NRG1: variants seen among roughly 807,000 people sequenced by gnomAD.
NRG1 encodes the protein neuregulin 1, also known as pro-neuregulin-1, membrane-bound isoform.
Under a neutral mutation model 63.8 loss-of-function variants are expected in NRG1, and 18 were observed. The ratio of observed to expected loss-of-function variants is 0.28; its 90% CI spans 0.19 to 0.42. The LOEUF is 0.42. Ranked by LOEUF, NRG1 falls within the 10% of genes least tolerant of loss-of-function variation. The probability of loss-of-function intolerance (pLI) is 1.00; values close to 1 mark genes in which losing one functional copy is unlikely to be tolerated. For missense variants in NRG1, 762 were observed against 814.7 expected (o/e 0.94, Z 0.79); for synonymous variants, 302 against 301.3 (o/e 1.00, Z -0.02).
chr8:31,896,030 G>A (rs1171410853), intron 1 of NRG1, among the ~76,000 whole-genome samples: 2 of 151,938 alleles, frequency 1.3e-5, no homozygotes, highest in Non-Finnish European at 2.9e-5. Flanking sequence ...ACGTGTTTTT[G>A]CCCATTTTCT....
intron 1 of NRG1, among the ~76,000 whole-genome samples, chr8:31,745,229 G>C (rs1310706149): frequency 1.3e-5 from 2 of 151,890 alleles, no homozygotes; most frequent in South Asian, 2.1e-4. Context: ...GAAGGGGAAG[G>C]CTTCAAGGAT....
At chr8:32,717,671 A>G (rs915244718) in intron 5 of NRG1, among the ~76,000 whole-genome samples, 21 of 152,178 alleles carry the variant, frequency 1.4e-4, no homozygotes, top group Admixed American at 9.8e-4. Flanking sequence ...TATGTCCACA[A>G]CCATCACACA....
chr8:32,365,399 T>TAAA (rs1276598966), intron 1 of NRG1, among the ~76,000 whole-genome samples: 2 of 152,254 alleles, frequency 1.3e-5, no homozygotes, highest in Admixed American at 1.3e-4. Context: ...TATTTAAGAT[T>TAAA]TACGTAGTTG....
chr8:32,167,279 G>A (rs1053451560), intron 1 of NRG1, among the ~76,000 whole-genome samples: 1 of 152,106 alleles, frequency 6.6e-6, no homozygotes, highest in Non-Finnish European at 1.5e-5. Flanking sequence ...TTTTGGTTAG[G>A]AAGCCACCTC....
chr8:31,919,652 A>G (rs1220551145), intron 1 of NRG1, among the ~76,000 whole-genome samples: 2 of 152,148 alleles, frequency 1.3e-5, no homozygotes, highest in African/African-American at 4.8e-5. Flanking sequence ...ACCTGATTCA[A>G]CACATCAGTT....
intron 1 of NRG1, among the ~76,000 whole-genome samples, chr8:31,903,015 C>T (rs1483557118): frequency 6.6e-6 from 1 of 152,112 alleles, no homozygotes; most frequent in Non-Finnish European, 1.5e-5. Context: ...TGAGAAAGCC[C>T]AAACTACCCC....
intron 1 of NRG1, among the ~76,000 whole-genome samples, chr8:31,767,060 G>A (rs1423153025): frequency 6.6e-6 from 1 of 152,180 alleles, no homozygotes; most frequent in Non-Finnish European, 1.5e-5. Flanking sequence ...AAGGGAGAAA[G>A]CAGCAGGTCA....
chr8:32,366,639 A>G (rs1808032176), intron 1 of NRG1, among the ~76,000 whole-genome samples: 1 of 147,154 alleles, frequency 6.8e-6, no homozygotes, highest in Non-Finnish European at 1.5e-5. Context: ...ATATACACAT[A>G]TATGTAATAT....
At chr8:31,639,984 C>G (rs981102841) in intron 1 of NRG1, 1 of 1,127,382 alleles carries the variant, frequency 8.9e-7, no homozygotes, top group Non-Finnish European at 1.1e-6. Context: ...CACCTCGCAC[C>G]ATGAGATGGC....
At chr8:32,033,523 A>G (rs1818595112) in intron 1 of NRG1, among the ~76,000 whole-genome samples, 1 of 152,166 alleles carries the variant, frequency 6.6e-6, no homozygotes, top group Admixed American at 6.5e-5. Flanking sequence ...TATTGAATCT[A>G]TAAATTACTT....
At chr8:32,077,488 G>A (rs988047730) in intron 1 of NRG1, among the ~76,000 whole-genome samples, 7 of 152,118 alleles carry the variant, frequency 4.6e-5, no homozygotes, top group Non-Finnish European at 8.8e-5. Flanking sequence ...GCAGATAGTC[G>A]GTGTAAGAAA....
intron 1 of NRG1, among the ~76,000 whole-genome samples, chr8:32,235,266 G>T (rs1335714516): frequency 1.4e-5 from 2 of 146,594 alleles, no homozygotes; most frequent in Non-Finnish European, 3.0e-5. Flanking sequence ...AAAGAGCCGG[G>T]CATGAACCTG....
intron 1 of NRG1, among the ~76,000 whole-genome samples, chr8:32,017,589 A>G (rs566167895): frequency 1.3e-5 from 2 of 152,290 alleles, no homozygotes; most frequent in East Asian, 3.9e-4. Context: ...CTTCTGACCA[A>G]TTGTCTATAA....
At chr8:32,221,809 C>T (rs1482188032) in intron 1 of NRG1, among the ~76,000 whole-genome samples, 1 of 151,688 alleles carries the variant, frequency 6.6e-6, no homozygotes, top group East Asian at 1.9e-4. Context: ...TTTTTTTAAA[C>T]TGGTCTAAAA....
At chr8:31,830,347 TTCCTTCCTTCCTTCCC>T (rs201510730) in intron 1 of NRG1, among the ~76,000 whole-genome samples, 6,047 of 115,604 alleles carry the variant, frequency 0.052, 182 homozygotes, top group East Asian at 0.15. Flanking sequence ...CCTTCCTTCC[TTCCTTCCTTCCTTCCC>T]TCCTTCCCTC....
chr8:32,742,201 G>C lies in NRG1; in HGVS notation c.633-474G>C. 1.3e-6 allele frequency: 1 copy of C among 762,946 alleles called. No individual in the cohort carries two copies. Among genetic ancestry groups the C allele is most frequent in the Non-Finnish European group, 2.2e-6 (1 of 449,556 alleles). The allele number at this position is 762,946 out of a possible 1,614,324, so 47.3% of individuals were successfully genotyped here. On this transcript the variant is annotated intron_variant, in intron 6 of 11. Transcript: ENST00000356819. The surrounding 1 kb of genome is among the most constrained non-coding windows in gnomAD (Gnocchi z 4.2). The stretch of plus-strand genomic sequence containing the variant: ...TCTAATTATGGCTTAACCTCTCAAG[G>C]CATAAACCCATTCAGTGTTACCTTA...
At chr8:32,529,392 T>C (rs28403462) in intron 1 of NRG1, among the ~76,000 whole-genome samples, 7,072 of 152,264 alleles carry the variant, frequency 0.046, 579 homozygotes, top group African/African-American at 0.16. Context: ...ATAGACTTTA[T>C]AAACATTCTT....
chr8:32,145,859 G>C (rs1350944743), intron 1 of NRG1, among the ~76,000 whole-genome samples: 1 of 152,202 alleles, frequency 6.6e-6, no homozygotes, highest in Non-Finnish European at 1.5e-5. Flanking sequence ...GAAAGTGGGA[G>C]TGTAACCACT....
chr8:31,725,145 A>G (rs1813300044), intron 1 of NRG1, among the ~76,000 whole-genome samples: 1 of 152,214 alleles, frequency 6.6e-6, no homozygotes, highest in South Asian at 2.1e-4. Context: ...AAAAACATGT[A>G]GATTTGGTCC....
Sources: gnomAD v4.1 joint callset for allele counts (sites outside exome capture counted in the v4.1 genomes callset) on GRCh38, gnomAD v4.1.1 for gene constraint, Gnocchi (gnomAD v3.1) non-coding constraint, MANE v1.5 for transcripts, NCBI Gene and HGNC (gene_info 2026-07-23, HGNC 2026-07-21) for gene names.